MYOCD: variants seen among roughly 807,000 people sequenced by gnomAD.
MYOCD encodes the protein myocardin.
A neutral mutation model predicts 96.1 loss-of-function variants in MYOCD; 32 were observed. That is an observed-to-expected ratio of 0.33 (90% CI 0.25 to 0.45). The LOEUF (loss-of-function observed/expected upper bound fraction) is 0.45. MYOCD is among the 20% of genes least tolerant of loss of function. The pLI, the probability that MYOCD is intolerant of heterozygous loss-of-function variation, is 1.00. For synonymous variants in MYOCD, 469 were observed against 469.0 expected (o/e 1.00, Z 0.00); for missense variants, 1,133 against 1,200.6 (o/e 0.94, Z 0.83).
At chr17:12,712,051 C>T (rs887114902) in intron 2 of MYOCD, among the ~76,000 whole-genome samples, 45 of 151,088 alleles carry the variant, frequency 3.0e-4, no homozygotes, top group Non-Finnish European at 5.9e-4. Flanking sequence ...TTAGAAGAGA[C>T]AGGGTTTCAC....
chr17:12,723,046 T>C (rs374752255), intron 5 of MYOCD, 38 bp downstream of exon 5: 77 of 1,587,864 alleles, frequency 4.8e-5, no homozygotes, highest in Non-Finnish European at 6.5e-5. Flanking sequence ...CTTGGTGCTA[T>C]TGAGATCTGA....
At chr17:12,757,388 A>G (rs753847566) in intron 11 of MYOCD, among the ~76,000 whole-genome samples, 1 of 152,240 alleles carries the variant, frequency 6.6e-6, no homozygotes, top group African/African-American at 2.4e-5. Flanking sequence ...AAGCTGGTTC[A>G]TAAAGAGACC....
Position 12,763,837 on chromosome 17 carries a change from G to C in MYOCD, c.*193G>C. ...ATACTGTAATATTTACCAACAGTCA[G>C]TAACTGTTAATGATTTCAACAATGC... On this transcript the variant is annotated 3_prime_UTR_variant, in exon 14 of 14. Transcript: ENST00000425538. The C allele has an allele frequency of 2.0e-6, 1 of 501,812 alleles. No individual in the cohort carries two copies. Among genetic ancestry groups the C allele is most frequent in the Non-Finnish European group, 3.4e-6 (1 of 292,126 alleles). The allele number at this position is 501,812 out of a possible 1,614,324, so 31.1% of individuals were successfully genotyped here.
At chr17:12,749,717 A>ATACATATATGTATATATATGTGTG (rs548373868) in intron 9 of MYOCD, among the ~76,000 whole-genome samples, 2 of 147,672 alleles carry the variant, frequency 1.4e-5, no homozygotes, top group African/African-American at 5.0e-5. Flanking sequence ...GTGTATATAT[A>ATACATATATGTATATATATGTGTG]TGTGTGTGTG....
intron 1 of MYOCD, among the ~76,000 whole-genome samples, chr17:12,684,261 T>G (rs1359742106): frequency 6.6e-6 from 1 of 152,196 alleles, no homozygotes; most frequent in Non-Finnish European, 1.5e-5. Context: ...CAACCCTGTC[T>G]CTTCCCATCG....
At chr17:12,756,270 A>T in intron 10 of MYOCD, 144 bp from the exon 11 acceptor site, 2 of 933,432 alleles carry the variant, frequency 2.1e-6, no homozygotes, top group Non-Finnish European at 3.3e-6. Flanking sequence ...GCCAGATTTT[A>T]GGCAAGTTCA....
rs1477236944 is a variant in MYOCD, at chr17:12,704,929, C to T, written c.56-199C>T. On this transcript the variant is annotated intron_variant, in intron 1 of 13. Coordinates refer to ENST00000425538, the MANE Select transcript of MYOCD (RefSeq NM_001146312.3). Reference sequence around the variant, plus strand: ...TATTCTAATTCTAGTTTGGGACAGACTTACTGCAAAACCTTGTAACCTTCT... The same window carrying T: ...TATTCTAATTCTAGTTTGGGACAGATTTACTGCAAAACCTTGTAACCTTCT... 1.1e-5 allele frequency: 6 copies of T among 554,008 alleles called. No homozygotes were observed. In the East Asian group the frequency reaches 1.8e-4, roughly 17 times the overall value. The allele number at this position is 554,008 out of a possible 1,614,324, so 34.3% of individuals were successfully genotyped here. A position where few individuals can be genotyped will look rare whatever the true frequency, so the allele number is the denominator to read the frequency against.
At chr17:12,716,191 G>GT (rs774956817) in intron 3 of MYOCD, among the ~76,000 whole-genome samples, 11 of 152,166 alleles carry the variant, frequency 7.2e-5, no homozygotes, top group Non-Finnish European at 1.5e-4. Flanking sequence ...CTGCCTGCTG[G>GT]TATTTCCTTA....
intron 2 of MYOCD, among the ~76,000 whole-genome samples, chr17:12,708,545 A>G (rs1171108104): frequency 6.6e-6 from 1 of 152,008 alleles, no homozygotes; most frequent in African/African-American, 2.4e-5. Context: ...GGCACGTGCC[A>G]CCATGCCTGG....
intron 4 of MYOCD, 63 bp from the exon 5 acceptor site, chr17:12,722,784 C>CA (rs1476655241): frequency 1.4e-6 from 2 of 1,429,994 alleles, no homozygotes; most frequent in Non-Finnish European, 9.5e-7. Context: ...AGCCAAAAAA[C>CA]AAAAAAGAGA....
In MYOCD at chr17:12,763,656, C is replaced by T; in HGVS notation, c.*12C>T. 1 of 1,596,998 alleles carries T rather than the reference C, an allele frequency of 6.3e-7. No homozygotes were observed. Among genetic ancestry groups the T allele is most frequent in the South Asian group, 1.1e-5 (1 of 87,266 alleles). The stretch of plus-strand genomic sequence containing the variant: ...TGCAGCAGTGGTAGAATGCCCAATG[C>T]ACCAGTGCTATGGAAGACCAATGGA... On this transcript the variant is annotated 3_prime_UTR_variant, in exon 14 of 14. Coordinates refer to ENST00000425538, the MANE Select transcript of MYOCD (RefSeq NM_001146312.3).
intron 11 of MYOCD, among the ~76,000 whole-genome samples, chr17:12,757,786 G>T (rs534382393): frequency 6.6e-6 from 1 of 152,074 alleles, no homozygotes; most frequent in Admixed American, 6.5e-5. Flanking sequence ...GAGCCATCAC[G>T]CCTAGCCTGA....
intron 1 of MYOCD, among the ~76,000 whole-genome samples, chr17:12,675,533 A>T (rs1301570906): frequency 6.6e-6 from 1 of 152,218 alleles, no homozygotes; most frequent in Non-Finnish European, 1.5e-5. Context: ...AGGTTATAAA[A>T]CAATCCGGCA....
At chr17:12,751,912 A>C (rs115705590) in intron 9 of MYOCD, among the ~76,000 whole-genome samples, 2,223 of 152,298 alleles carry the variant, frequency 0.015, 58 homozygotes, top group African/African-American at 0.051. Flanking sequence ...GAAACCCCAC[A>C]GTGGGGCCCT....
At chr17:12,760,853 CGCACATT>C in intron 13 of MYOCD, 146 bp downstream of exon 13, 1 of 680,470 alleles carries the variant, frequency 1.5e-6, no homozygotes, top group Non-Finnish European at 2.6e-6. Context: ...TTGAGCTTCT[CGCACATT>C]TTTAGAGCTG....
At chr17:12,697,612 A>G (rs2030840126) in intron 1 of MYOCD, among the ~76,000 whole-genome samples, 1 of 151,646 alleles carries the variant, frequency 6.6e-6, no homozygotes, top group Admixed American at 6.6e-5. Context: ...CGGCCTCCCA[A>G]AGTGCTGGGA....
At chr17:12,683,349 A>G (rs951773679) in intron 1 of MYOCD, among the ~76,000 whole-genome samples, 1 of 152,170 alleles carries the variant, frequency 6.6e-6, no homozygotes, top group African/African-American at 2.4e-5. Context: ...TCAGAAGAGA[A>G]TAAAAGGGAG....
intron 12 of MYOCD, chr17:12,760,380 T>G (rs1597818196): frequency 2.4e-6 from 1 of 423,204 alleles, no homozygotes; most frequent in South Asian, 2.6e-5. Context: ...GTTGAATGGG[T>G]ACACGATTTT....
rs541920900 is a variant in MYOCD at position 12,712,184 on chromosome 17, T to C, written c.122-3335T>C. Among the ~76,000 whole-genome samples, 3 of 152,178 alleles carry C rather than the reference T, an allele frequency of 2.0e-5. No individual in the cohort carries two copies. The South Asian group carries it at 6.2e-4, about 32-fold the overall frequency. On this transcript the variant is annotated intron_variant, in intron 2 of 13. Coordinates refer to ENST00000425538, the MANE Select transcript of MYOCD (RefSeq NM_001146312.3). ...CCAAGAATTGGAATTTCTAACGTGT[T>C]CCCAATTGCTGAAGATGCTGGTCCG... is the stretch of plus-strand genomic sequence containing the variant.
Sources: gnomAD v4.1 joint callset for allele counts (sites outside exome capture counted in the v4.1 genomes callset) on GRCh38, gnomAD v4.1.1 for gene constraint, MANE v1.5 for transcripts, NCBI Gene and HGNC (gene_info 2026-07-23, HGNC 2026-07-21) for gene names.